Variants in DDHD2 observed in about 807,000 individuals in gnomAD.
DDHD2 encodes the protein triacylglycerol hydrolase DDHD2.
In DDHD2, 62 loss-of-function variants were observed where a neutral mutation model predicts 91.2. The observed-to-expected ratio is 0.68, with a 90% CI of 0.55 to 0.84. The LOEUF is 0.84. DDHD2 is among the 40% of genes least tolerant of loss of function. The probability of loss-of-function intolerance (pLI) is 0.00; values close to 1 mark genes in which losing one functional copy is unlikely to be tolerated. For missense variants in DDHD2, 740 were observed against 846.9 expected, an observed-to-expected ratio of 0.87 and a Z score of 1.57; for synonymous variants, 271 against 293.9, an observed-to-expected ratio of 0.92 and a Z score of 0.80.
intron 1 of DDHD2, chr8:38,268,868 C>T: frequency 6.5e-7 from 1 of 1,544,426 alleles, no homozygotes; most frequent in Non-Finnish European, 8.7e-7. Flanking sequence ...GAAAGACGAT[C>T]TTTCTCCACG....
Position 38,253,597 on chromosome 8 carries a change from G to A in DDHD2, c.1933G>A (p.Val645Ile). 3 of 1,614,124 alleles carry A rather than the reference G, an allele frequency of 1.9e-6. No homozygotes were observed. Among genetic ancestry groups the A allele is most frequent in the South Asian group, 1.1e-5 (1 of 91,072 alleles). Residue 645 changes from valine to isoleucine, a missense_variant, in exon 16 of 18, where the codon GTC becomes ATC. By Grantham distance (29) the Val-to-Ile change is conservative (BLOSUM62 3). Coordinates refer to ENST00000397166, the MANE Select transcript of DDHD2 (RefSeq NM_015214.3). ...EETSVAVKEE[V>I]LPINVGMLNG... ...GACCTCTGTGGCAGTTAAAGAAGAA[G>A]TCCTGCCTATCAATGTGGGGATGCT...
intron 1 of DDHD2, chr8:38,269,359 G>A (rs567749543): frequency 5.4e-6 from 4 of 740,026 alleles, no homozygotes; most frequent in Non-Finnish European, 7.9e-6. Flanking sequence ...TCTGGCAAAG[G>A]GTACGCAAAG....
chr8:38,265,004 C>T (rs1188117306), downstream of DDHD2: 4 of 1,246,172 alleles, frequency 3.2e-6, no homozygotes, highest in Admixed American at 1.7e-5. Context: ...CACGGTGACT[C>T]ACGCCTGTAA....
At chr8:38,267,471 C>T (rs1165308447), downstream of DDHD2, 13 of 1,542,800 alleles carry the variant, frequency 8.4e-6, no homozygotes, top group Non-Finnish European at 8.8e-6. Context: ...ATTAATAATC[C>T]TGTTAACTAT....
At chr8:38,251,852 G>A in intron 11 of DDHD2, 60 bp from the exon 12 acceptor site, 1 of 1,244,546 alleles carries the variant, frequency 8.0e-7, no homozygotes, top group Non-Finnish European at 1.2e-6. Context: ...TGAGTAGCTG[G>A]GACTACAGGT....
At chr8:38,239,778 A>G (rs2130782356) in intron 5 of DDHD2, among the ~76,000 whole-genome samples, 1 of 141,568 alleles carries the variant, frequency 7.1e-6, no homozygotes, top group Admixed American at 7.0e-5. Context: ...GCTGGAGTGC[A>G]GTGGTGTGAT....
intron 7 of DDHD2, among the ~76,000 whole-genome samples, chr8:38,243,729 G>A (rs1047662440): frequency 2.0e-5 from 3 of 151,710 alleles, no homozygotes; most frequent in African/African-American, 7.3e-5. Flanking sequence ...CCTGGGCTCA[G>A]ATGATCCTCC....
intron 1 of DDHD2, chr8:38,269,000 A>AACAAAGAAGCGC (rs774512168): frequency 6.4e-7 from 1 of 1,574,658 alleles, no homozygotes; most frequent in South Asian, 1.1e-5. Context: ...CCTAGAGGGG[A>AACAAAGAAGCGC]ACAAAGAAGC....
intron 15 of DDHD2, 196 bp from the exon 16 acceptor site, chr8:38,253,360 C>G (rs953433390): frequency 3.1e-5 from 23 of 743,066 alleles, no homozygotes; most frequent in Admixed American, 9.0e-5. Flanking sequence ...TGCGCAAAAG[C>G]AAAAAAGGGG....
chr8:38,269,075 C>CGCCT, intron 1 of DDHD2: 5 of 1,525,708 alleles, frequency 3.3e-6, no homozygotes, highest in South Asian at 1.2e-5. Context: ...CCGTGCCGCC[C>CGCCT]GCCTGCCTGG....
intron 7 of DDHD2, 32 bp downstream of exon 7, chr8:38,242,417 G>T: frequency 6.3e-7 from 1 of 1,599,018 alleles, no homozygotes; most frequent in Non-Finnish European, 8.5e-7. Flanking sequence ...CGAGTTGTTA[G>T]CTGTGATTAT....
In DDHD2 at chr8:38,237,799, C is replaced by T. The variant is rs112983079; in HGVS notation, c.501+172C>T. Among the ~76,000 whole-genome samples, 891 of 152,286 alleles carry T rather than the reference C, an allele frequency of 5.9e-3. 7 individuals are homozygous for T. Among genetic ancestry groups the T allele is most frequent in the African/African-American group, 0.019 (802 of 41,554 alleles). ...GTAGCCACTACTGTTATTTACCCAA[C>T]TCAGCTTATACAAAATAATTTTCTT... On this transcript the variant is annotated intron_variant, in intron 4 of 17. Transcript: ENST00000397166.
At chr8:38,233,811 C>A (rs1300239270) in intron 2 of DDHD2, among the ~76,000 whole-genome samples, 2 of 151,664 alleles carry the variant, frequency 1.3e-5, no homozygotes, top group Non-Finnish European at 2.9e-5. Context: ...TGCCTGTAGT[C>A]TCAGCTACCT....
chr8:38,234,308 C>T, intron 2 of DDHD2, 86 bp from the exon 3 acceptor site: 1 of 1,006,762 alleles, frequency 9.9e-7, no homozygotes, highest in Non-Finnish European at 1.4e-6. Context: ...TGTTTCATAA[C>T]ATTATTTAGA....
At position 38,252,224 on chromosome 8, in the gene DDHD2, A is replaced by G. The variant is rs774043053; in HGVS notation, c.1554A>G (p.Leu518=). 3.1e-6 allele frequency: 5 copies of G among 1,614,002 alleles called. No homozygotes were observed. Among genetic ancestry groups the G allele is most frequent in the Admixed American group, 1.7e-5 (1 of 59,984 alleles). ...PIGMFLTVRG[L]KRIDPNYRFP... is the part of the protein sequence containing the mutation. ...GAATGTTCCTTACTGTCCGAGGACT[A>G]AAAAGAATTGATCCCAACTACAGAT... The change falls in exon 13 of 18, where the codon CTA becomes CTG. Residue 518 remains leucine (L), a synonymous_variant. Coordinates refer to ENST00000397166, the MANE Select transcript of DDHD2 (RefSeq NM_015214.3).
Position 38,253,732 on chromosome 8 carries a change from A to G in DDHD2, c.2054+14A>G. Reference sequence around the variant, plus strand: ...TCTATGCTACTGGTAAATGTTGTTTATTTTTGTCTGTTTTGTTTGTTTACC... The same window carrying G: ...TCTATGCTACTGGTAAATGTTGTTTGTTTTTGTCTGTTTTGTTTGTTTACC... On this transcript the variant is annotated intron_variant, in intron 16 of 17. Transcript: ENST00000397166. 1 of 1,610,684 alleles carries G rather than the reference A, an allele frequency of 6.2e-7. No individual in the cohort carries two copies. The highest frequency in any genetic ancestry group is 8.5e-7 in the Non-Finnish European group (1 of 1,178,366).
chr8:38,246,401 C>A, intron 9 of DDHD2, 101 bp downstream of exon 9: 2 of 763,362 alleles, frequency 2.6e-6, no homozygotes, highest in South Asian at 1.7e-5. Flanking sequence ...AGTTTCATGT[C>A]ATGACATTAC....
Position 38,253,738 on chromosome 8 carries a change from G to T in DDHD2, c.2054+20G>T. On this transcript the variant is annotated intron_variant, in intron 16 of 17. Transcript: ENST00000397166. Reference sequence around the variant, plus strand: ...CTACTGGTAAATGTTGTTTATTTTTGTCTGTTTTGTTTGTTTACCTGTTTC... The same window carrying T: ...CTACTGGTAAATGTTGTTTATTTTTTTCTGTTTTGTTTGTTTACCTGTTTC... 6.2e-7 allele frequency: 1 copy of T among 1,609,512 alleles called. No homozygotes were observed. The highest frequency in any genetic ancestry group is 8.5e-7 in the Non-Finnish European group (1 of 1,177,508).
rs1807005117 is a variant in DDHD2, at chr8:38,261,303, ATGT to A, written c.*734_*736del. The A allele has an allele frequency of 6.6e-6, 1 of 152,192 alleles. No individual in the cohort carries two copies. Among genetic ancestry groups the A allele is most frequent in the Non-Finnish European group, 1.5e-5 (1 of 68,030 alleles). The allele number at this position is 152,192 out of a possible 1,614,324, so 9.4% of individuals were successfully genotyped here. On this transcript the variant is annotated 3_prime_UTR_variant, in exon 18 of 18. Transcript: ENST00000397166. ...TTAGGTGCATCTTTATAAAGCAAAG[ATGT>A]TGTATATCCTAGGCCTCCCTTTTAT...
Sources: allele counts gnomAD v4.1 joint callset (sites outside exome capture counted in the v4.1 genomes callset), GRCh38; gene constraint gnomAD v4.1.1; transcripts MANE v1.5; gene names NCBI Gene and HGNC (gene_info 2026-07-23, HGNC 2026-07-21).